The following CSF3R variants were observed in gnomAD, a reference collection of about 807,000 sequenced individuals.
The protein encoded by CSF3R is granulocyte colony-stimulating factor receptor.
Under a neutral mutation model 84.4 loss-of-function variants are expected in CSF3R, and 52 were observed. The observed-to-expected ratio is 0.62, with a 90% CI of 0.49 to 0.78. The LOEUF is 0.78. CSF3R is among the 30% of genes least tolerant of loss of function. The pLI is 0.00. For synonymous variants in CSF3R, 384 were observed against 429.1 expected, an observed-to-expected ratio of 0.89 and a Z score of 1.30; for missense variants, 890 against 1,055.7, an observed-to-expected ratio of 0.84 and a Z score of 2.17.
chr1:36,473,713 C>T (rs369095617), intron 5 of CSF3R, 51 bp downstream of exon 5: 1 of 1,614,082 alleles, frequency 6.2e-7, no homozygotes. Flanking sequence ...CCTACCCATG[C>T]CCTACCCCAG....
intron 12 of CSF3R, 112 bp from the exon 13 acceptor site, chr1:36,468,333 G>A (rs1293227075): frequency 2.2e-5 from 25 of 1,125,360 alleles, no homozygotes; most frequent in Non-Finnish European, 3.1e-5. Context: ...AGAGTCCAAG[G>A]GGACTCATGC....
At chr1:36,479,228 G>C in intron 3 of CSF3R, 1 of 652,174 alleles carries the variant, frequency 1.5e-6, no homozygotes, top group Non-Finnish European at 2.8e-6. Context: ...ACCAGCCCGG[G>C]TCGTCTCACC....
Position 36,473,582 on chromosome 1 carries a change from C to A in CSF3R, c.526G>T (p.Asp176Tyr), listed in dbSNP as rs1270586657. 2 of 1,614,024 alleles carry A rather than the reference C, an allele frequency of 1.2e-6. No homozygotes were observed. The highest frequency in any genetic ancestry group is 1.7e-6 in the Non-Finnish European group (2 of 1,180,052). Residue 176 changes from aspartate to tyrosine, a missense_variant, in exon 6 of 17, where the codon GAC becomes TAC. Coordinates refer to ENST00000373106, the MANE Select transcript of CSF3R (RefSeq NM_000760.4). ...NCQTQGDSIL[D>Y]CVPKDGQSHC... is the part of the protein sequence containing the mutation. ...CTCTGCCCGTCCTTGGGCACGCAGT[C>A]CAGGATGGAGTCCCCTTGGGTCTGA...
chr1:36,478,853 A>AAACG lies in CSF3R; in HGVS notation c.64+576_64+579dup, dbSNP rs560185090. Reference sequence around the variant, plus strand: ...GCAACAGAGGGAGACCCTGTCTCACAAACGAACAAACAAACAAACAAACAA... The same window carrying AAACG: ...GCAACAGAGGGAGACCCTGTCTCACAAACGAACGAACAAACAAACAAACAAACAA... On this transcript the variant is annotated intron_variant, in intron 3 of 16. Transcript: ENST00000373106. 755 of 200,446 alleles carry AAACG rather than the reference A, an allele frequency of 3.8e-3. 5 individuals are homozygous for AAACG. The highest frequency in any genetic ancestry group is 0.016 in the African/African-American group (671 of 42,612). The allele number at this position is 200,446 out of a possible 1,614,324, so 12.4% of individuals were successfully genotyped here.
In CSF3R at chr1:36,472,005, A is replaced by G. The variant is rs1650776723; in HGVS notation, c.1071+61T>C. ...GTTGGAGTCCTAAGCCCCGGTTTGT[A>G]GGGATCTGTTTGGACTGCGGGAGGT... On this transcript the variant is annotated intron_variant, in intron 9 of 16. Transcript: ENST00000373106. The surrounding 1 kb of genome is among the most constrained non-coding windows in gnomAD (Gnocchi z 5.0). 6.5e-7 allele frequency: 1 copy of G among 1,540,832 alleles called. No individual in the cohort carries two copies. Among genetic ancestry groups the G allele is most frequent in the Admixed American group, 1.7e-5 (1 of 59,476 alleles).
rs376397582 is a variant in CSF3R at position 36,472,439 on chromosome 1, C to G, written c.844-48G>C. 18 of 1,613,852 alleles carry G rather than the reference C, an allele frequency of 1.1e-5. No homozygotes were observed. In the Middle Eastern group the frequency reaches 6.6e-4, roughly 59 times the overall value. On this transcript the variant is annotated intron_variant, in intron 7 of 16. Transcript: ENST00000373106. The surrounding 1 kb of genome is among the most constrained non-coding windows in gnomAD (Gnocchi z 5.0). ...CTGAGCCTTGGATCGCTGGGCCATT[C>G]TAGGGCCAGCTCGAGCCCGACTTAC...
rs141083013 is a variant in CSF3R, at chr1:36,472,559, C to G, written c.801G>C (p.Glu267Asp). Residue 267 changes from glutamate to aspartate, a missense_variant, in exon 7 of 17, where the codon GAG becomes GAC. By Grantham distance (45) the Glu-to-Asp change is conservative. Transcript: ENST00000373106. This position sits in a 1 kb window ranked among gnomAD's most constrained non-coding sequence, Gnocchi z 5.0. ...CTCCACGCTGCGGCTTGTGGCGCAG[C>G]TCACACTTCTGATTTATGTGCAGGC... Reference protein sequence around the residue: ...QPGLHINQKCELRHKPQRGEA... With the variant: ...QPGLHINQKCDLRHKPQRGEA... 2.0e-5 allele frequency: 32 copies of G among 1,614,106 alleles called. No homozygotes were observed. The highest frequency in any genetic ancestry group is 2.3e-5 in the Non-Finnish European group (27 of 1,180,050).
Position 36,467,315 on chromosome 1 carries a change from G to T in CSF3R, c.1959-4C>A, listed in dbSNP as rs781175282. ...TGGCCAGAGGGGATTCTTCCTGCTGGAGAAGGGGGCAGGTGGAGGCTGAGT... is the reference window on the plus strand; with the variant it reads ...TGGCCAGAGGGGATTCTTCCTGCTGTAGAAGGGGGCAGGTGGAGGCTGAGT... On this transcript the variant is annotated splice_region_variant and splice_polypyrimidine_tract_variant and intron_variant, in intron 15 of 16. Transcript: ENST00000373106. This position sits in a 1 kb window ranked among gnomAD's most constrained non-coding sequence, Gnocchi z 4.1. The T allele has an allele frequency of 6.2e-7, 1 of 1,614,138 alleles. No individual in the cohort carries two copies. Among genetic ancestry groups the T allele is most frequent in the South Asian group, 1.1e-5 (1 of 91,086 alleles).
At position 36,466,544 on chromosome 1, in the gene CSF3R, G is replaced by A; in HGVS notation, c.2324C>T (p.Pro775Leu). 2.5e-6 allele frequency: 4 copies of A among 1,609,606 alleles called. No individual in the cohort carries two copies. Among genetic ancestry groups the A allele is most frequent in the Admixed American group, 1.7e-5 (1 of 59,658 alleles). The change falls in exon 17 of 17, where the codon CCC (proline) becomes CTC (leucine). Residue 775 changes from proline to leucine, a missense_variant. Pro to Leu is a moderately conservative substitution (Grantham distance 98). Coordinates refer to ENST00000373106, the MANE Select transcript of CSF3R (RefSeq NM_000760.4). The surrounding 1 kb of genome is among the most constrained non-coding windows in gnomAD (Gnocchi z 4.6). ...GHYLRCDSTQ[P>L]LLAGLTPSPK... The stretch of plus-strand genomic sequence containing the variant: ...GCTGGGGGTGAGGCCCGCCAAGAGG[G>A]GCTGAGTGGAGTCACAGCGGAGATA...
intron 13 of CSF3R, 35 bp downstream of exon 13, chr1:36,468,040 T>A (rs1362195175): frequency 1.2e-6 from 2 of 1,614,216 alleles, no homozygotes; most frequent in African/African-American, 1.3e-5. Context: ...CTTCCAGGCC[T>A]TCTGGGGCTG....
In CSF3R at chr1:36,475,635, T is replaced by A. The variant is rs755370892; in HGVS notation, c.103A>T (p.Ile35Phe). 6.2e-7 allele frequency: 1 copy of A among 1,606,916 alleles called. No homozygotes were observed. The highest frequency in any genetic ancestry group is 1.3e-5 in the African/African-American group (1 of 74,742). The change falls in exon 4 of 17, where the codon ATC (isoleucine) becomes TTC (phenylalanine). Residue 35 changes from isoleucine (I) to phenylalanine (F), a missense_variant. Coordinates refer to ENST00000373106, the MANE Select transcript of CSF3R (RefSeq NM_000760.4). ...ECGHISVSAPIVHLGDPITAS... is the reference protein window; with the variant it reads ...ECGHISVSAPFVHLGDPITAS... ...GTGATGGGATCCCCCAGGTGGACGA[T>A]GGGGGCTGAGACACTGATGTGCCCG...
chr1:36,467,986 T>C lies in CSF3R; in HGVS notation c.1724-24A>G, dbSNP rs1365890372. The C allele has an allele frequency of 6.2e-7, 1 of 1,614,216 alleles. No homozygotes were observed. The highest frequency in any genetic ancestry group is 1.7e-5 in the Admixed American group (1 of 60,028). On this transcript the variant is annotated intron_variant, in intron 13 of 16. Coordinates refer to ENST00000373106, the MANE Select transcript of CSF3R (RefSeq NM_000760.4). This position sits in a 1 kb window ranked among gnomAD's most constrained non-coding sequence, Gnocchi z 4.1. ...GGCTGGGAGGGGTGTACGGTCAGCA[T>C]AGGCCTGGATGGTAAAGCTGCCTCC...
At position 36,466,135 on chromosome 1, in the gene CSF3R, A is replaced by T. The variant is rs199810615; in HGVS notation, c.*222T>A. ...TTATAGGAAACAAGCACAAAAGGCC[A>T]TTGGGTGGGGCTGGATGGAGCATGA... On this transcript the variant is annotated 3_prime_UTR_variant, in exon 17 of 17. Coordinates refer to ENST00000373106, the MANE Select transcript of CSF3R (RefSeq NM_000760.4). This position sits in a 1 kb window ranked among gnomAD's most constrained non-coding sequence, Gnocchi z 4.6. 6.2e-7 allele frequency: 1 copy of T among 1,614,064 alleles called. No individual in the cohort carries two copies. The highest frequency in any genetic ancestry group is 8.5e-7 in the Non-Finnish European group (1 of 1,180,044).
At chr1:36,474,974 A>G (rs917314236) in intron 4 of CSF3R, among the ~76,000 whole-genome samples, 1 of 151,898 alleles carries the variant, frequency 6.6e-6, no homozygotes, top group African/African-American at 2.4e-5. Flanking sequence ...TGCTTATTAG[A>G]TAAGAGCTCA....
rs929797975 is a variant in CSF3R at position 36,469,146 on chromosome 1, G to A, written c.1576+10C>T. 6.2e-7 allele frequency: 1 copy of A among 1,602,130 alleles called. No individual in the cohort carries two copies. Among genetic ancestry groups the A allele is most frequent in the African/African-American group, 1.3e-5 (1 of 74,646 alleles). Reference sequence around the variant, plus strand: ...GAGGATTCTGGAAAGGGGCCTGATAGTTGACAAACCCATTTCTTGAGAGTA... The same window carrying A: ...GAGGATTCTGGAAAGGGGCCTGATAATTGACAAACCCATTTCTTGAGAGTA... On this transcript the variant is annotated intron_variant, in intron 12 of 16. Coordinates refer to ENST00000373106, the MANE Select transcript of CSF3R (RefSeq NM_000760.4).
At chr1:36,469,045 G>T in intron 12 of CSF3R, 111 bp downstream of exon 12, 1 of 800,464 alleles carries the variant, frequency 1.2e-6, no homozygotes, top group Non-Finnish European at 2.2e-6. Context: ...CTCCAGGGCT[G>T]GAAGTATGGT....
chr1:36,483,042 A>G (rs1651633614), upstream of CSF3R: 1 of 152,176 alleles, frequency 6.6e-6, no homozygotes. Context: ...GGAGCCTGTG[A>G]GGGAAGCTGG....
chr1:36,467,857 T>C lies in CSF3R; in HGVS notation c.1829A>G (p.Asn610Ser), dbSNP rs764132853. The C allele has an allele frequency of 5.0e-6, 8 of 1,614,172 alleles. No individual in the cohort carries two copies. The highest frequency in any genetic ancestry group is 5.9e-6 in the Non-Finnish European group (7 of 1,180,022). Reference sequence around the variant, plus strand: ...GGTCATCAGGGTGAGGACTGTACTGTTGGTGGCCCCAGCCTGGCTGGCAGC... The same window carrying C: ...GGTCATCAGGGTGAGGACTGTACTGCTGGTGGCCCCAGCCTGGCTGGCAGC... ...LMAASQAGATNSTVLTLMTLT... is the reference protein window; with the variant it reads ...LMAASQAGATSSTVLTLMTLT... Residue 610 changes from asparagine (N) to serine (S), a missense_variant, in exon 14 of 17, where the codon AAC (asparagine) becomes AGC (serine). Asn to Ser is a conservative substitution (Grantham distance 46). Coordinates refer to ENST00000373106, the MANE Select transcript of CSF3R (RefSeq NM_000760.4). This position sits in a 1 kb window ranked among gnomAD's most constrained non-coding sequence, Gnocchi z 4.1.
At position 36,467,939 on chromosome 1, in the gene CSF3R, G is replaced by A. The variant is rs3917997; in HGVS notation, c.1747C>T (p.Arg583Cys). The A allele has an allele frequency of 7.6e-5, 123 of 1,614,084 alleles. No homozygotes were observed. The African/African-American group carries it at 1.2e-3, about 16-fold the overall frequency. ...TCCAGGCCATGGAGGACAAAGCCAC[G>A]GGAGGAGGCATTCAGGATGGCGGCT... ...SFSAILNASS[R>C]GFVLHGLEPA... The change falls in exon 14 of 17, where the codon CGT (arginine) becomes TGT (cysteine). Residue 583 changes from arginine to cysteine, a missense_variant. Transcript: ENST00000373106. The surrounding 1 kb of genome is among the most constrained non-coding windows in gnomAD (Gnocchi z 4.1).
Sources: gnomAD v4.1 joint callset for allele counts (sites outside exome capture counted in the v4.1 genomes callset) on GRCh38, gnomAD v4.1.1 for gene constraint, Gnocchi (gnomAD v3.1) non-coding constraint, MANE v1.5 for transcripts, NCBI Gene and HGNC (gene_info 2026-07-23, HGNC 2026-07-21) for gene names.